The following SYNE2 variants were observed in gnomAD, a reference collection of about 807,000 sequenced individuals.
The protein encoded by SYNE2 is nesprin-2.
In SYNE2, 431 loss-of-function variants were observed where a neutral mutation model predicts 856.3. The ratio of observed to expected loss-of-function variants is 0.50; its 90% CI spans 0.47 to 0.55. The LOEUF (loss-of-function observed/expected upper bound fraction) is 0.55, where lower values mean the gene tolerates loss of function less well. SYNE2 is among the 20% of genes least tolerant of loss of function. SYNE2 has a pLI of 0.00. For missense variants in SYNE2, 8,129 were observed against 8,023.2 expected, an observed-to-expected ratio of 1.01 and a Z score of -0.50; for synonymous variants, 2,923 against 2,872.3, an observed-to-expected ratio of 1.02 and a Z score of -0.56.
chr14:63,979,878 C>G (rs531963658), intron 14 of SYNE2, among the ~76,000 whole-genome samples: 2 of 151,980 alleles, frequency 1.3e-5, no homozygotes, highest in African/African-American at 4.8e-5. Flanking sequence ...TGCACTCCAG[C>G]CTGGGCGACA....
At chr14:64,211,169 G>T (rs2098639018) in intron 103 of SYNE2, among the ~76,000 whole-genome samples, 1 of 152,172 alleles carries the variant, frequency 6.6e-6, no homozygotes, top group African/African-American at 2.4e-5. Flanking sequence ...TGTGGAAATG[G>T]GGTCTCACTA....
intron 1 of SYNE2, among the ~76,000 whole-genome samples, chr14:63,840,196 G>C (rs923513296): frequency 2.0e-5 from 3 of 152,112 alleles, no homozygotes; most frequent in African/African-American, 7.2e-5. Context: ...CTTGAACCTG[G>C]GAGGTTGGAG....
At chr14:63,783,725 T>G (rs1488703282) in intron 1 of SYNE2, among the ~76,000 whole-genome samples, 2 of 152,132 alleles carry the variant, frequency 1.3e-5, no homozygotes, top group Non-Finnish European at 2.9e-5. Context: ...GACCAAAGAT[T>G]GCCTTTATAA....
intron 50 of SYNE2, among the ~76,000 whole-genome samples, chr14:64,064,673 C>T (rs556021842): frequency 5.3e-4 from 80 of 151,448 alleles, no homozygotes; most frequent in Admixed American, 1.3e-3. Context: ...CCCATCCCAG[C>T]CCGCTGAGTA....
chr14:63,970,808 A>C (rs1482384623), intron 11 of SYNE2, among the ~76,000 whole-genome samples: 1 of 151,110 alleles, frequency 6.6e-6, no homozygotes, highest in South Asian at 2.1e-4. Flanking sequence ...ATCCGCCACC[A>C]TGCCTGGCTA....
In SYNE2 at chr14:63,927,647, G is replaced by A. The variant is rs568435642; in HGVS notation, c.80-12967G>A. 5.3e-5 allele frequency among the ~76,000 whole-genome samples: 8 copies of A among 152,038 alleles called. No homozygotes were observed. In the South Asian group the frequency reaches 6.2e-4, roughly 12 times the overall value. ...TGTGGCTCATGCCTGTAATCATAGC[G>A]CTTTGGGAGGCCGAGGAGGACGGAT... On this transcript the variant is annotated intron_variant, in intron 2 of 115. Transcript: ENST00000555002.
At chr14:64,202,115 G>A in intron 99 of SYNE2, 2 of 693,118 alleles carry the variant, frequency 2.9e-6, no homozygotes, top group South Asian at 3.0e-5. Flanking sequence ...TGGGAGCTGA[G>A]GCAGACTGGC....
chr14:63,910,494 G>T (rs938880418), intron 2 of SYNE2, among the ~76,000 whole-genome samples: 2 of 152,158 alleles, frequency 1.3e-5, no homozygotes, highest in Non-Finnish European at 2.9e-5. Flanking sequence ...AAAATTTTCA[G>T]TAAGGACTTA....
Position 63,812,717 on chromosome 14 carries a change from C to A in SYNE2, c.-304-39784C>A, listed in dbSNP as rs139853214. Among the ~76,000 whole-genome samples, 1,435 of 152,216 alleles carry A rather than the reference C, an allele frequency of 9.4e-3. 8 individuals carry two copies. Among genetic ancestry groups the A allele is most frequent in the Non-Finnish European group, 0.013 (914 of 68,024 alleles). ...CACAATTTATGTTCCTCTGCTGTGGCTCCAGCTGGTCCCTCCATTTGGGGT... is the reference window on the plus strand; with the variant it reads ...CACAATTTATGTTCCTCTGCTGTGGATCCAGCTGGTCCCTCCATTTGGGGT... On this transcript the variant is annotated intron_variant, in intron 1 of 23. Coordinates refer to the SYNE2 transcript ENST00000674003.
rs1363243083 is a variant in SYNE2, at chr14:63,969,065, ATAAG to A, written c.1128+1224_1128+1227del. ...CTGTTTTGATTTTTAGATTCCACAA[ATAAG>A]TAAGAACATGTGATATTTGTCTTTC... On this transcript the variant is annotated intron_variant, in intron 11 of 115. Transcript: ENST00000555002. Among the ~76,000 whole-genome samples, 7 of 152,200 alleles carry A rather than the reference ATAAG, an allele frequency of 4.6e-5. No individual in the cohort carries two copies. The East Asian group carries it at 9.7e-4, about 21-fold the overall frequency.
At chr14:63,851,820 T>C (rs1890484689), upstream of SYNE2, among the ~76,000 whole-genome samples, 1 of 151,874 alleles carries the variant, frequency 6.6e-6, no homozygotes, top group African/African-American at 2.4e-5. Flanking sequence ...CAGTGGCTCA[T>C]GCCTGTAATC....
In SYNE2 at chr14:63,942,104, T is replaced by A. The variant is rs776444762; in HGVS notation, c.369T>A (p.Ile123=). 3.3e-5 allele frequency: 53 copies of A among 1,611,064 alleles called. No homozygotes were observed. The highest frequency in any genetic ancestry group is 4.3e-5 in the Non-Finnish European group (51 of 1,177,894). ...ATATCATTGATGGAAACCCATCCAT[T>A]ATCCTTGGCCTAATTTGGACAATTA... The part of the protein sequence containing the change: ...VTDIIDGNPS[I]ILGLIWTIIL... Residue 123 remains isoleucine, a synonymous_variant, in exon 6 of 116, where the codon ATT becomes ATA. Coordinates refer to ENST00000555002, the MANE Select transcript of SYNE2 (RefSeq NM_182914.3).
intron 27 of SYNE2, among the ~76,000 whole-genome samples, 166 bp from the exon 28 acceptor site, chr14:64,000,396 T>TA (rs1480516576): frequency 6.6e-6 from 1 of 152,256 alleles, no homozygotes; most frequent in African/African-American, 2.4e-5. Flanking sequence ...CCTTGTTCCC[T>TA]AAAGGATAGT....
intron 11 of SYNE2, among the ~76,000 whole-genome samples, chr14:63,973,444 C>T (rs1485655541): frequency 6.6e-6 from 1 of 151,716 alleles, no homozygotes; most frequent in Non-Finnish European, 1.5e-5. Flanking sequence ...CCAGCCTGGT[C>T]AACATGGTGA....
At chr14:63,971,112 G>GT (rs1215165429) in intron 11 of SYNE2, among the ~76,000 whole-genome samples, 3 of 135,174 alleles carry the variant, frequency 2.2e-5, no homozygotes, top group East Asian at 2.2e-4. Context: ...CTACTTAGAG[G>GT]TTTTTTGGTT....
At chr14:63,872,553 T>C (rs1335748791) in intron 1 of SYNE2, among the ~76,000 whole-genome samples, 4 of 151,944 alleles carry the variant, frequency 2.6e-5, no homozygotes, top group Non-Finnish European at 4.4e-5. Flanking sequence ...GTCAGGAGTT[T>C]GAGACCAGCC....
chr14:63,914,187 A>G (rs1236770778), intron 2 of SYNE2, among the ~76,000 whole-genome samples: 1 of 152,216 alleles, frequency 6.6e-6, no homozygotes, highest in Non-Finnish European at 1.5e-5. Context: ...CGGGTGGGAA[A>G]GGTGTGCCCA....
chr14:64,210,901 A>T (rs945696139), intron 103 of SYNE2, among the ~76,000 whole-genome samples: 1 of 149,334 alleles, frequency 6.7e-6, no homozygotes, highest in African/African-American at 2.5e-5. Context: ...AACCTAGACA[A>T]CTCCCTTGCA....
At chr14:64,188,782 A>C in intron 98 of SYNE2, 74 bp downstream of exon 98, 1 of 1,477,490 alleles carries the variant, frequency 6.8e-7, no homozygotes. Context: ...CCTAAGCCCA[A>C]ACAGGGGCAA....
Sources: allele counts gnomAD v4.1 joint callset (sites outside exome capture counted in the v4.1 genomes callset), GRCh38; gene constraint gnomAD v4.1.1; transcripts MANE v1.5; gene names NCBI Gene and HGNC (gene_info 2026-07-23, HGNC 2026-07-21).